HK1: variants seen among roughly 807,000 people sequenced by gnomAD.
HK1 encodes the protein hexokinase-1.
In HK1, 28 loss-of-function variants were observed where a neutral mutation model predicts 91.6. That is an observed-to-expected ratio of 0.31 (90% CI 0.23 to 0.42). HK1 has a LOEUF of 0.42. Among genes scored for constraint, HK1 ranks in the 10% least tolerant of loss-of-function variants. HK1 has a pLI of 1.00. For missense variants in HK1, 770 were observed against 1,219.8 expected, an observed-to-expected ratio of 0.63 and a Z score of 5.49; for synonymous variants, 430 against 468.1, an observed-to-expected ratio of 0.92 and a Z score of 1.05.
At chr10:69,312,299 T>C (rs551187025), upstream of HK1, among the ~76,000 whole-genome samples, 10 of 152,328 alleles carry the variant, frequency 6.6e-5, no homozygotes, top group South Asian at 1.0e-3. Flanking sequence ...GGCAGTGGCA[T>C]GAGCTTGGCT....
In HK1 at chr10:69,369,179, T is replaced by C; in HGVS notation, c.592-58T>C. ...GCACTTCTGCCAAGCGCTGTTAAGG[T>C]GTGTGATCTCTGCTCCCATGTGTGA... On this transcript the variant is annotated intron_variant, in intron 5 of 17. Coordinates refer to ENST00000359426, the MANE Select transcript of HK1 (RefSeq NM_000188.3). The surrounding 1 kb of genome is among the most constrained non-coding windows in gnomAD (Gnocchi z 4.4). 2 of 1,274,316 alleles carry C rather than the reference T, an allele frequency of 1.6e-6. No homozygotes were observed. Among genetic ancestry groups the C allele is most frequent in the Non-Finnish European group, 2.3e-6 (2 of 871,894 alleles). 78.9% of individuals were successfully genotyped at this position (1,274,316 alleles called of 1,614,324 possible). A position where few individuals can be genotyped will look rare whatever the true frequency, so the allele number is the denominator to read the frequency against.
At chr10:69,309,295 C>A (rs1415970433) in intron 5 of HK1, among the ~76,000 whole-genome samples, 1 of 150,682 alleles carries the variant, frequency 6.6e-6, no homozygotes, top group Non-Finnish European at 1.5e-5. Context: ...CATTCTCCTG[C>A]CTCAGCCTCC....
intron 1 of HK1, among the ~76,000 whole-genome samples, chr10:69,337,846 G>T (rs951540371): frequency 3.3e-5 from 5 of 152,216 alleles, no homozygotes; most frequent in African/African-American, 9.6e-5. Context: ...ACGGGGTGGG[G>T]TGAAAATGGC....
intron 2 of HK1, among the ~76,000 whole-genome samples, chr10:69,352,494 T>G (rs959824369): frequency 1.3e-5 from 2 of 152,176 alleles, no homozygotes; most frequent in African/African-American, 4.8e-5. Flanking sequence ...TTAAAACCAG[T>G]GGCTTCATGT....
intron 1 of HK1, 29 bp downstream of exon 1, chr10:69,319,039 C>G (rs775786519): frequency 5.7e-6 from 9 of 1,583,292 alleles, no homozygotes; most frequent in Non-Finnish European, 6.9e-6. Context: ...CGCCGCTGGT[C>G]CTGGCCGCAG....
chr10:69,324,188 A>G (rs531524794), intron 1 of HK1, among the ~76,000 whole-genome samples: 18 of 152,328 alleles, frequency 1.2e-4, no homozygotes, highest in African/African-American at 4.1e-4. Context: ...CAGGAGCTCA[A>G]TCATTTCTTT....
rs546652793 is a variant in HK1 at position 69,358,085 on chromosome 10, A to G, written c.227-1812A>G. The stretch of plus-strand genomic sequence containing the variant: ...AAAATGATATGCCCCAAAGCAGTCT[A>G]GTATTTACTGCCATAGGATTGAGAG... On this transcript the variant is annotated intron_variant, in intron 2 of 17. Transcript: ENST00000359426. 2.6e-5 allele frequency among the ~76,000 whole-genome samples: 4 copies of G among 152,320 alleles called. No homozygotes were observed. The East Asian group carries it at 7.7e-4, about 29-fold the overall frequency.
intron 1 of HK1, among the ~76,000 whole-genome samples, chr10:69,324,720 C>T (rs1410156285): frequency 6.6e-6 from 1 of 152,212 alleles, no homozygotes; most frequent in Non-Finnish European, 1.5e-5. Flanking sequence ...AGCTAGGCTG[C>T]AGATGTTAGC....
At chr10:69,318,629 GC>G (rs1294660084), upstream of HK1, among the ~76,000 whole-genome samples, 1 of 152,126 alleles carries the variant, frequency 6.6e-6, no homozygotes, top group Non-Finnish European at 1.5e-5. Context: ...TGCGTCGCCC[GC>G]CCCCTTTCCG....
chr10:69,390,239 C>G (rs2132929477), intron 14 of HK1, among the ~76,000 whole-genome samples: 1 of 152,382 alleles, frequency 6.6e-6, no homozygotes, highest in African/African-American at 2.4e-5. Flanking sequence ...CCCAGCCCCT[C>G]CCTTTCTTTC....
In HK1 at chr10:69,369,308, C is replaced by T; in HGVS notation, c.663C>T (p.Asp221=). The T allele has an allele frequency of 6.2e-7, 1 of 1,614,148 alleles. No individual in the cohort carries two copies. The highest frequency in any genetic ancestry group is 1.1e-5 in the South Asian group (1 of 91,088). ...CCATGATGACCTGTGGCTATGACGA[C>T]CAGCACTGTGAAGTCGGCCTGATCA... ...VGTMMTCGYD[D]QHCEVGLIIG... is the part of the protein sequence containing the mutation. Residue 221 remains aspartate (D), a synonymous_variant, in exon 6 of 18, where the codon GAC becomes GAT. Coordinates refer to ENST00000359426, the MANE Select transcript of HK1 (RefSeq NM_000188.3). The surrounding 1 kb of genome is among the most constrained non-coding windows in gnomAD (Gnocchi z 4.4).
chr10:69,272,697 CT>C (rs1844228660), intron 1 of HK1, among the ~76,000 whole-genome samples: 1 of 149,200 alleles, frequency 6.7e-6, no homozygotes, highest in South Asian at 2.1e-4. Flanking sequence ...AAGGGTTTCT[CT>C]TTCTCTTTAG....
At chr10:69,384,727 T>A (rs2132896597) in intron 11 of HK1, 69 bp from the exon 12 acceptor site, 1 of 1,605,128 alleles carries the variant, frequency 6.2e-7, no homozygotes, top group East Asian at 2.2e-5. Context: ...GTATACACAC[T>A]TTGGTCCATG....
At chr10:69,347,310 C>T (rs1848611537) in intron 2 of HK1, among the ~76,000 whole-genome samples, 1 of 151,820 alleles carries the variant, frequency 6.6e-6, no homozygotes, top group African/African-American at 2.4e-5. Context: ...TGCGCCCGGC[C>T]ACACATTTCC....
exon 4 of HK1, chr10:69,295,678 G>C: frequency 6.3e-7 from 1 of 1,593,318 alleles, no homozygotes; most frequent in Non-Finnish European, 8.6e-7. Context: ...TGCTGAAAGT[G>C]AGGTAAGAAA....
At chr10:69,294,797 G>A (rs1845472672) in intron 3 of HK1, among the ~76,000 whole-genome samples, 1 of 152,116 alleles carries the variant, frequency 6.6e-6, no homozygotes, top group African/African-American at 2.4e-5. Flanking sequence ...GGGAGGCAGA[G>A]GTTGCAGTGA....
At chr10:69,311,501 G>C (rs1051879639), upstream of HK1, among the ~76,000 whole-genome samples, 3 of 152,202 alleles carry the variant, frequency 2.0e-5, no homozygotes, top group Non-Finnish European at 4.4e-5. Context: ...GGTGATTTGA[G>C]ATTGCTCTGG....
chr10:69,350,265 ATTCAG>A (rs1848776874), intron 2 of HK1, among the ~76,000 whole-genome samples: 1 of 152,152 alleles, frequency 6.6e-6, no homozygotes, highest in African/African-American at 2.4e-5. Context: ...TGGAGTGGGG[ATTCAG>A]CCCCACTTCC....
chr10:69,305,460 T>A (rs577411296), intron 5 of HK1, among the ~76,000 whole-genome samples: 2 of 152,326 alleles, frequency 1.3e-5, no homozygotes, highest in South Asian at 2.1e-4. Context: ...CCTGGCCTAA[T>A]GTATATTTAA....
Sources: gnomAD v4.1 joint callset for allele counts (sites outside exome capture counted in the v4.1 genomes callset) on GRCh38, gnomAD v4.1.1 for gene constraint, Gnocchi (gnomAD v3.1) non-coding constraint, MANE v1.5 for transcripts, NCBI Gene and HGNC (gene_info 2026-07-23, HGNC 2026-07-21) for gene names.